Variants in ABCB7 observed in about 807,000 individuals in gnomAD.
ABCB7 encodes ATP binding cassette subfamily B member 7.
Under a neutral mutation model 54.4 loss-of-function variants are expected in ABCB7, and 7 were observed. The ratio of observed to expected loss-of-function variants is 0.13; its 90% CI spans 0.07 to 0.24. ABCB7 has a LOEUF of 0.24. ABCB7 is among the 10% of genes least tolerant of loss of function. The pLI, the probability that ABCB7 is intolerant of heterozygous loss-of-function variation, is 1.00. For missense variants in ABCB7, 356 were observed against 570.4 expected, an observed-to-expected ratio of 0.62 and a Z score of 3.83; for synonymous variants, 218 against 207.1, an observed-to-expected ratio of 1.05 and a Z score of -0.45.
chrX:75,132,458 C>T (rs1286225190), intron 1 of ABCB7, among the ~76,000 whole-genome samples: 1 of 112,901 alleles, frequency 8.9e-6, no homozygotes, highest in Non-Finnish European at 1.9e-5. Context: ...CTGCCATTGT[C>T]ACTGCCAAGG....
At chrX:75,132,738 C>T (rs992550966) in intron 1 of ABCB7, among the ~76,000 whole-genome samples, 2 of 112,619 alleles carry the variant, frequency 1.8e-5, no homozygotes, top group Non-Finnish European at 3.8e-5. Context: ...ACCAAAAATA[C>T]CTTGCTAAAA....
chrX:75,154,037 GTACCTCAGGT>G lies in ABCB7; in HGVS notation c.168+2058_168+2067del, dbSNP rs1186885132. Among the ~76,000 whole-genome samples the G allele has an allele frequency of 1.3e-3, 148 of 109,973 alleles. 1 individual carries two copies. Among genetic ancestry groups the G allele is most frequent in the Non-Finnish European group, 5.9e-4 (31 of 52,742 alleles). On this transcript the variant is annotated intron_variant, in intron 1 of 15. Transcript: ENST00000373394. ...TTAATCACAAGTCACAAATTTGCAGGTACCTCAGGTTACCTCAGCTTCTACTTTGAAAACT... is the reference window on the plus strand; with the variant it reads ...TTAATCACAAGTCACAAATTTGCAGGTACCTCAGCTTCTACTTTGAAAACT...
intron 3 of ABCB7, among the ~76,000 whole-genome samples, chrX:75,102,244 T>C (rs1392086370): frequency 3.6e-5 from 4 of 110,773 alleles, no homozygotes; most frequent in Non-Finnish European, 7.6e-5. Context: ...TTGCTAATTA[T>C]AGTCACCCTG....
chrX:75,152,844 T>C (rs1264321997), intron 1 of ABCB7, among the ~76,000 whole-genome samples: 1 of 109,421 alleles, frequency 9.1e-6, no homozygotes, highest in South Asian at 4.1e-4. Flanking sequence ...ATTTTTAGTA[T>C]GGACGGGGTT....
rs1247724204 is a variant in ABCB7 at position 75,051,830 on chromosome X, A to C, written c.*1540T>G. On this transcript the variant is annotated 3_prime_UTR_variant, in exon 16 of 16. Transcript: ENST00000373394. ...GACACTGATTTATACACGTGTGAGC[A>C]TGTGCATACATGCACGACATCCCAT... The C allele has an allele frequency of 8.9e-6, 1 of 112,759 alleles. No homozygotes were observed. The highest frequency in any genetic ancestry group is 1.9e-5 in the Non-Finnish European group (1 of 53,347). The allele number at this position is 112,759 out of a possible 1,213,427, so 9.3% of individuals were successfully genotyped here. A position where few individuals can be genotyped will look rare whatever the true frequency, so the allele number is the denominator to read the frequency against.
In ABCB7 at chrX:75,112,949, T is replaced by C. The variant is rs777212384; in HGVS notation, c.270A>G (p.Ile90Met). 7 of 1,210,181 alleles carry C rather than the reference T, an allele frequency of 5.8e-6. No individual in the cohort carries two copies. The highest frequency in any genetic ancestry group is 7.8e-6 in the Non-Finnish European group (7 of 894,282). The change falls in exon 3 of 16, where the codon ATA becomes ATG. Residue 90 changes from isoleucine to methionine, a missense_variant. Ile to Met is a conservative substitution (Grantham distance 10). This residue lies in a region of ABCB7 where 115 missense variants were observed against 99.5 expected (regional missense o/e 1.16). Transcript: ENST00000373394. Reference sequence around the variant, plus strand: ...GACCATGCCAACATGTCCTCTTTTCTATCAGTGGCCATACCTGGAGAGCCT... The same window carrying C: ...GACCATGCCAACATGTCCTCTTTTCCATCAGTGGCCATACCTGGAGAGCCT... Reference protein sequence around the residue: ...AAKALQVWPLIEKRTCWHGHA... With the variant: ...AAKALQVWPLMEKRTCWHGHA...
chrX:75,111,548 T>C (rs1282589582), intron 3 of ABCB7, among the ~76,000 whole-genome samples: 1 of 112,115 alleles, frequency 8.9e-6, no homozygotes. Flanking sequence ...GAGCCACAAT[T>C]CAAATCCAGG....
intron 4 of ABCB7, 127 bp from the exon 5 acceptor site, chrX:75,076,781 A>AT (rs2081414278): frequency 1.3e-6 from 1 of 781,508 alleles, no homozygotes; most frequent in African/African-American, 2.1e-5. Context: ...TATTAGAGTG[A>AT]TTTTCCCCAT....
intron 4 of ABCB7, among the ~76,000 whole-genome samples, chrX:75,095,870 G>A (rs1404713818): frequency 8.9e-6 from 1 of 111,761 alleles, no homozygotes; most frequent in Non-Finnish European, 1.9e-5. Context: ...AGTTAGTTTA[G>A]ATCTAGATTT....
At chrX:75,115,792 G>C (rs774461809) in intron 1 of ABCB7, among the ~76,000 whole-genome samples, 31 of 106,902 alleles carry the variant, frequency 2.9e-4, no homozygotes, top group Non-Finnish European at 5.2e-4. Flanking sequence ...GTGTTGGGGG[G>C]GGGGGCACGG....
intron 1 of ABCB7, among the ~76,000 whole-genome samples, chrX:75,119,911 T>C (rs893874893): frequency 1.8e-5 from 2 of 112,162 alleles, no homozygotes; most frequent in Non-Finnish European, 3.8e-5. Flanking sequence ...AGGTGGTTTA[T>C]AGTCAGCTAT....
At chrX:75,096,356 G>A (rs2081591625) in intron 4 of ABCB7, among the ~76,000 whole-genome samples, 1 of 111,803 alleles carries the variant, frequency 8.9e-6, no homozygotes, top group African/African-American at 3.2e-5. Flanking sequence ...CCCCGGGAGA[G>A]TACTCAACAG....
chrX:75,083,211 G>C (rs1234965764), intron 4 of ABCB7, among the ~76,000 whole-genome samples: 1 of 111,388 alleles, frequency 9.0e-6, no homozygotes, highest in African/African-American at 3.3e-5. Flanking sequence ...GCTATTCTGT[G>C]CATTGTATGA....
chrX:75,150,499 C>T (rs1443485426), intron 1 of ABCB7, among the ~76,000 whole-genome samples: 1 of 110,598 alleles, frequency 9.0e-6, no homozygotes, highest in Non-Finnish European at 1.9e-5. Flanking sequence ...AAAAAAAATG[C>T]TCACAAGTAA....
At chrX:75,122,747 G>T (rs1313039987) in intron 1 of ABCB7, among the ~76,000 whole-genome samples, 2 of 111,143 alleles carry the variant, frequency 1.8e-5, no homozygotes, top group Non-Finnish European at 3.8e-5. Flanking sequence ...TTGTGATTTT[G>T]ATTTGCATTT....
At chrX:75,103,035 A>G (rs939135624) in intron 3 of ABCB7, among the ~76,000 whole-genome samples, 15 of 111,005 alleles carry the variant, frequency 1.4e-4, no homozygotes, top group African/African-American at 4.6e-4. Context: ...CTCTTGTTGG[A>G]TGAATAGTTT....
Position 75,060,298 on chromosome X carries a change from T to C in ABCB7, c.1968A>G (p.Lys656=). The C allele has an allele frequency of 8.3e-7, 1 of 1,209,638 alleles. No homozygotes were observed. Among genetic ancestry groups the C allele is most frequent in the South Asian group, 1.8e-5 (1 of 56,919 alleles). ...TILGAMKDVV[K]HRTSIFIAHR... The stretch of plus-strand genomic sequence containing the variant: ...GTGCAATGAAAATAGAAGTTCTGTG[T>C]TTGACCACATCCTTCATGGCACCAA... Residue 656 remains lysine (K), a synonymous_variant, in exon 15 of 16, where the codon AAA becomes AAG. Coordinates refer to ENST00000373394, the MANE Select transcript of ABCB7 (RefSeq NM_001271696.3).
chrX:75,112,912 C>T lies in ABCB7; in HGVS notation c.307G>A (p.Gly103Arg). The change falls in exon 3 of 16, where the codon GGA becomes AGA. Residue 103 changes from glycine to arginine, a missense_variant. By Grantham distance (125) the Gly-to-Arg change is moderately radical (BLOSUM62 -2). Coordinates refer to ENST00000373394, the MANE Select transcript of ABCB7 (RefSeq NM_001271696.3). ...CCTTCTTTTGGGTCTGTGTGGAGTC[C>T]TCCTCCTGCATGACCATGCCAACAT... The part of the protein sequence containing the change: ...RTCWHGHAGG[G>R]LHTDPKEGLK... The T allele has an allele frequency of 8.3e-7, 1 of 1,210,375 alleles. No individual in the cohort carries two copies. The highest frequency in any genetic ancestry group is 1.1e-6 in the Non-Finnish European group (1 of 894,849).
intron 1 of ABCB7, among the ~76,000 whole-genome samples, chrX:75,131,387 T>C (rs774746044): frequency 3.6e-5 from 4 of 111,138 alleles, no homozygotes; most frequent in East Asian, 2.8e-4. Flanking sequence ...TGTATACTTA[T>C]ATGTGCATTT....
Sources: allele counts gnomAD v4.1 joint callset (sites outside exome capture counted in the v4.1 genomes callset), GRCh38; gene constraint gnomAD v4.1.1; regional missense constraint gnomAD v4.1.1; transcripts MANE v1.5; gene names NCBI Gene and HGNC (gene_info 2026-07-23, HGNC 2026-07-21).